SRCAP: variants seen among roughly 807,000 people sequenced by gnomAD.
SRCAP encodes Snf2 related CREBBP activator protein, also known as chromatin remodeling protein SRCAP.
In SRCAP, 46 loss-of-function variants were observed where a neutral mutation model predicts 263.1. That is an observed-to-expected ratio of 0.17 (90% CI 0.14 to 0.22). The LOEUF (loss-of-function observed/expected upper bound fraction) is 0.22, where lower values mean the gene tolerates loss of function less well. Among genes scored for constraint, SRCAP ranks in the 10% least tolerant of loss-of-function variants. The probability of loss-of-function intolerance (pLI) is 1.00; values close to 1 mark genes in which losing one functional copy is unlikely to be tolerated. For missense variants in SRCAP, 3,695 were observed against 4,181.9 expected (o/e 0.88, Z 3.21); for synonymous variants, 1,813 against 1,662.1 (o/e 1.09, Z -2.21).
chr16:30,729,545 G>A lies in SRCAP; in HGVS notation c.6100G>A (p.Asp2034Asn). ...GTGTAACATGCGCACCCAGTTCCCTGACTTAAGACTCATCCAGTATGATTG... is the reference window on the plus strand; with the variant it reads ...GTGTAACATGCGCACCCAGTTCCCTAACTTAAGACTCATCCAGTATGATTG... ...IVCNMRTQFPDLRLIQYDCGK... is the reference protein window; with the variant it reads ...IVCNMRTQFPNLRLIQYDCGK... The change falls in exon 27 of 34, where the codon GAC becomes AAC. Residue 2034 changes from aspartate to asparagine, a missense_variant. By Grantham distance (23) the Asp-to-Asn change is conservative. This residue lies in a region of SRCAP where 138 missense variants were observed against 254.9 expected (regional missense o/e 0.54). Transcript: ENST00000262518. The A allele has an allele frequency of 6.2e-7, 1 of 1,614,166 alleles. No homozygotes were observed. The highest frequency in any genetic ancestry group is 8.5e-7 in the Non-Finnish European group (1 of 1,180,032).
Position 30,722,279 on chromosome 16 carries a change from G to T in SRCAP, c.3699G>T (p.Pro1233=), listed in dbSNP as rs34734612. 6.2e-7 allele frequency: 1 copy of T among 1,613,086 alleles called. No individual in the cohort carries two copies. Among genetic ancestry groups the T allele is most frequent in the Non-Finnish European group, 8.5e-7 (1 of 1,179,598 alleles). Residue 1233 remains proline (P), a synonymous_variant, in exon 22 of 34, where the codon CCG becomes CCT. Transcript: ENST00000262518. ...VRQLAVGQPR[P]LQRNVVHLVS... is the part of the protein sequence containing the mutation. ...AGCTTGCTGTGGGGCAGCCCCGCCC[G>T]CTGCAAAGTAGGTAAAACCCACCCC...
chr16:30,717,693 A>G (rs1252717290), intron 18 of SRCAP, among the ~76,000 whole-genome samples: 1 of 140,024 alleles, frequency 7.1e-6, no homozygotes, highest in Admixed American at 8.3e-5. Flanking sequence ...GCTTACTGCA[A>G]CCTCCGCCTC....
intron 18 of SRCAP, among the ~76,000 whole-genome samples, chr16:30,717,063 C>A (rs186999061): frequency 2.0e-5 from 3 of 152,156 alleles, no homozygotes; most frequent in African/African-American, 7.2e-5. Flanking sequence ...ACATTTCCAC[C>A]CTAGCAGGGC....
intron 5 of SRCAP, 57 bp downstream of exon 5, chr16:30,707,425 TTTGTTGGA>T: frequency 6.2e-7 from 1 of 1,602,360 alleles, no homozygotes. Flanking sequence ...TCCTTCCCGG[TTTGTTGGA>T]AGGGGACCAG....
At chr16:30,730,476 G>C (rs1448812441) in intron 27 of SRCAP, among the ~76,000 whole-genome samples, 1 of 151,986 alleles carries the variant, frequency 6.6e-6, no homozygotes, top group Non-Finnish European at 1.5e-5. Context: ...CTGTCGCCCA[G>C]GCTGGAGTGC....
In SRCAP at chr16:30,716,317, C is replaced by T. The variant is rs144028938; in HGVS notation, c.2655C>T (p.Gly885=). Reference sequence around the variant, plus strand: ...GAACTAAGGAGACACTAGCCACAGGCCATTTCATGAGCGTCATCAACATTT... The same window carrying T: ...GAACTAAGGAGACACTAGCCACAGGTCATTTCATGAGCGTCATCAACATTT... ...QTTTKETLAT[G]HFMSVINILM... Residue 885 remains glycine (G), a synonymous_variant, in exon 18 of 34, where the codon GGC becomes GGT. Transcript: ENST00000262518. The T allele has an allele frequency of 1.2e-5, 20 of 1,614,124 alleles. 1 individual carries two copies. The East Asian group carries it at 4.5e-4, about 36-fold the overall frequency.
At chr16:30,720,354 G>C (rs1283369926) in intron 19 of SRCAP, 23 bp downstream of exon 19, 4 of 1,596,028 alleles carry the variant, frequency 2.5e-6, no homozygotes, top group Non-Finnish European at 3.4e-6. Context: ...AGGAATGAGG[G>C]GATGGTTCCT....
intron 25 of SRCAP, 41 bp from the exon 26 acceptor site, chr16:30,728,925 C>G: frequency 6.3e-7 from 1 of 1,579,546 alleles, no homozygotes; most frequent in Non-Finnish European, 8.6e-7. Context: ...GATGTGGACT[C>G]TGAGGGTGCT....
intron 18 of SRCAP, among the ~76,000 whole-genome samples, chr16:30,718,120 G>A (rs555429079): frequency 2.7e-4 from 41 of 151,616 alleles, no homozygotes; most frequent in African/African-American, 8.5e-4. Flanking sequence ...TGATCCTTCC[G>A]CCTTGGCCTC....
rs1356401425 is a variant in SRCAP at position 30,737,120 on chromosome 16, G to A, written c.7080G>A (p.Glu2360=). The A allele has an allele frequency of 1.9e-6, 3 of 1,613,624 alleles. No individual in the cohort carries two copies. Among genetic ancestry groups the A allele is most frequent in the Non-Finnish European group, 1.7e-6 (2 of 1,179,794 alleles). ...KEEVFRLPQE[E]EEGPGAGDES... ...AGGTGTTCCGCCTACCCCAAGAGGA[G>A]GAGGAGGGGCCGGGGGCTGGGGATG... Residue 2360 remains glutamate (E), a synonymous_variant, in exon 34 of 34, where the codon GAG becomes GAA. Coordinates refer to ENST00000262518, the MANE Select transcript of SRCAP (RefSeq NM_006662.3).
At position 30,711,816 on chromosome 16, in the gene SRCAP, C is replaced by G; in HGVS notation, c.1493-19C>G. ...AAGAGCAGGTATGATGAGCAGTAAGCCTTGGTCTTACCCTTTAGACTCTGT... is the reference window on the plus strand; with the variant it reads ...AAGAGCAGGTATGATGAGCAGTAAGGCTTGGTCTTACCCTTTAGACTCTGT... On this transcript the variant is annotated intron_variant, in intron 11 of 33. Transcript: ENST00000262518. 1.2e-6 allele frequency: 2 copies of G among 1,612,738 alleles called. No homozygotes were observed. The highest frequency in any genetic ancestry group is 1.7e-6 in the Non-Finnish European group (2 of 1,179,060).
At position 30,721,264 on chromosome 16, in the gene SRCAP, C is replaced by T; in HGVS notation, c.3329C>T (p.Pro1110Leu). ...PTPTLSLKPT[P>L]PAPVRLSPAP... The stretch of plus-strand genomic sequence containing the variant: ...CCAACCTTGTCCCTAAAGCCAACAC[C>T]ACCTGCCCCAGTTCGCCTGAGCCCA... The change falls in exon 21 of 34, where the codon CCA becomes CTA. Residue 1110 changes from proline to leucine, a missense_variant. Physicochemically the swap from Pro to Leu is moderately conservative, Grantham distance 98 (BLOSUM62 -3). Around this residue, in one of 12 missense-constraint regions of SRCAP, gnomAD observed 1,347 missense variants for 1,304.4 expected, o/e 1.03. Coordinates refer to ENST00000262518, the MANE Select transcript of SRCAP (RefSeq NM_006662.3). 1.9e-6 allele frequency: 3 copies of T among 1,614,126 alleles called. No individual in the cohort carries two copies. The highest frequency in any genetic ancestry group is 1.7e-6 in the Non-Finnish European group (2 of 1,180,028).
intron 25 of SRCAP, among the ~76,000 whole-genome samples, chr16:30,728,322 A>G (rs1438819778): frequency 6.6e-6 from 1 of 152,234 alleles, no homozygotes; most frequent in Non-Finnish European, 1.5e-5. Context: ...ATAATCATAC[A>G]GATGTGTAAC....
In SRCAP at chr16:30,736,191, C is replaced by T. The variant is rs768711175; in HGVS notation, c.6730-9C>T. ...TCATGTTTTCTTTTTCTTTTATACA[C>T]CCTGGTAGGCATTGTGTCGGGCAGA... On this transcript the variant is annotated splice_polypyrimidine_tract_variant and intron_variant, in intron 31 of 33. Transcript: ENST00000262518. 2.8e-5 allele frequency: 45 copies of T among 1,613,800 alleles called. No homozygotes were observed. Among genetic ancestry groups the T allele is most frequent in the Non-Finnish European group, 9.3e-6 (11 of 1,180,020 alleles).
At chr16:30,736,959 C>T in intron 33 of SRCAP, 90 bp from the exon 34 acceptor site, 1 of 1,392,880 alleles carries the variant, frequency 7.2e-7, no homozygotes, top group Non-Finnish European at 9.7e-7. Context: ...CAGGCGTGAG[C>T]CACCGCGCCT....
intron 33 of SRCAP, among the ~76,000 whole-genome samples, 159 bp downstream of exon 33, chr16:30,736,783 C>T (rs1442235208): frequency 3.3e-5 from 5 of 152,176 alleles, no homozygotes; most frequent in Admixed American, 6.5e-5. Context: ...AGCAGTTCTC[C>T]TGCATCAGCC....
At chr16:30,710,424 A>C (rs1258001501) in intron 8 of SRCAP, 1 of 668,866 alleles carries the variant, frequency 1.5e-6, no homozygotes. Context: ...AACATGCCCT[A>C]ATGTTCCCTT....
intron 18 of SRCAP, among the ~76,000 whole-genome samples, chr16:30,717,974 GT>G (rs2052970076): frequency 6.6e-6 from 1 of 150,856 alleles, no homozygotes; most frequent in Non-Finnish European, 1.5e-5. Context: ...GCTCAGGCTG[GT>G]TTCAAACTCC....
chr16:30,708,097 T>C (rs963665302), intron 6 of SRCAP, among the ~76,000 whole-genome samples: 3 of 152,250 alleles, frequency 2.0e-5, no homozygotes, highest in Non-Finnish European at 4.4e-5. Flanking sequence ...TGTTCATTCC[T>C]TCTCCCTTCC....
Sources: allele counts gnomAD v4.1 joint callset (sites outside exome capture counted in the v4.1 genomes callset), GRCh38; gene constraint gnomAD v4.1.1; regional missense constraint gnomAD v4.1.1; transcripts MANE v1.5; gene names NCBI Gene and HGNC (gene_info 2026-07-23, HGNC 2026-07-21).